Variants in LOC128706666 observed in about 807,000 individuals in gnomAD.
the LOC128706666 span, among the ~76,000 whole-genome samples, chr20:10,414,267 T>C: frequency 6.8e-6 from 1 of 146,672 alleles, no homozygotes; most frequent in African/African-American, 2.5e-5. Context: ...CTCTGAGTCT[T>C]TTTTTTTTTT....
the LOC128706666 span, among the ~76,000 whole-genome samples, chr20:10,426,645 G>A: frequency 0.14 from 21,792 of 152,130 alleles, 1,755 homozygotes; most frequent in East Asian, 0.24. Flanking sequence ...TGATATGTCC[G>A]CCTCAGCCTC....
At chr20:10,430,734 C>G in the LOC128706666 span, among the ~76,000 whole-genome samples, 1 of 152,080 alleles carries the variant, frequency 6.6e-6, no homozygotes. Flanking sequence ...AAAGTGAGAG[C>G]CAGGAAAGCT....
the LOC128706666 span, among the ~76,000 whole-genome samples, chr20:10,429,234 A>G: frequency 6.6e-6 from 1 of 152,140 alleles, no homozygotes; most frequent in Non-Finnish European, 1.5e-5. Flanking sequence ...TTCCCCTTAC[A>G]TAATCTCCCT....
At chr20:10,419,107 T>G in the LOC128706666 span, among the ~76,000 whole-genome samples, 19 of 152,264 alleles carry the variant, frequency 1.2e-4, no homozygotes, top group Admixed American at 1.2e-3. Flanking sequence ...AGTCAAAATC[T>G]CAGACCAAGG....
At chr20:10,431,515 G>T in the LOC128706666 span, among the ~76,000 whole-genome samples, 1 of 146,066 alleles carries the variant, frequency 6.8e-6, no homozygotes, top group Admixed American at 6.9e-5. Context: ...ACTCAATGCT[G>T]TATAGGGTCA....
the LOC128706666 span, among the ~76,000 whole-genome samples, chr20:10,423,411 G>C: frequency 6.6e-6 from 1 of 151,980 alleles, no homozygotes; most frequent in Non-Finnish European, 1.5e-5. Context: ...GATGAAATGC[G>C]ATCGTTTCAA....
At chr20:10,424,811 G>A in the LOC128706666 span, among the ~76,000 whole-genome samples, 5 of 152,040 alleles carry the variant, frequency 3.3e-5, no homozygotes, top group African/African-American at 1.2e-4. Flanking sequence ...CAGCACTTTG[G>A]GAGGCCGAGG....
At chr20:10,432,789 C>CA in the LOC128706666 span, among the ~76,000 whole-genome samples, 16,105 of 74,274 alleles carry the variant, frequency 0.22, 3,263 homozygotes, top group Non-Finnish European at 0.26. Context: ...GACTCTTTGT[C>CA]AAAAAAAAAA....
At chr20:10,426,699 G>A in the LOC128706666 span, among the ~76,000 whole-genome samples, 2 of 152,206 alleles carry the variant, frequency 1.3e-5, no homozygotes, top group Non-Finnish European at 2.9e-5. Flanking sequence ...ACGCCCCGTG[G>A]CATGTCCTTG....
chr20:10,421,702 G>A, the LOC128706666 span, among the ~76,000 whole-genome samples: 2 of 151,800 alleles, frequency 1.3e-5, no homozygotes, highest in African/African-American at 4.8e-5. Context: ...TAACTTACAG[G>A]GTTATCGACC....
the LOC128706666 span, among the ~76,000 whole-genome samples, chr20:10,423,047 A>T: frequency 6.6e-6 from 1 of 152,088 alleles, no homozygotes; most frequent in Non-Finnish European, 1.5e-5. Context: ...CATTTCTGCC[A>T]TTCACCATTT....
chr20:10,427,012 CAAGAA>C, the LOC128706666 span, among the ~76,000 whole-genome samples: 694 of 111,138 alleles, frequency 6.2e-3, 2 homozygotes, highest in African/African-American at 0.01. Flanking sequence ...GCTTAAAGGC[CAAGAA>C]AAGAAAACAC....
chr20:10,434,146 C>T, the LOC128706666 span: 1 of 146,920 alleles, frequency 6.8e-6, no homozygotes, highest in Non-Finnish European at 1.5e-5. Flanking sequence ...GCCGCCACCG[C>T]CAGAGGCCCC....
At chr20:10,418,609 T>A in the LOC128706666 span, among the ~76,000 whole-genome samples, 6,119 of 152,184 alleles carry the variant, frequency 0.04, 401 homozygotes, top group African/African-American at 0.14. Context: ...TGCACTGGCA[T>A]CTAAAATCTC....
the LOC128706666 span, among the ~76,000 whole-genome samples, chr20:10,415,136 C>T: frequency 6.6e-6 from 1 of 152,178 alleles, no homozygotes; most frequent in Non-Finnish European, 1.5e-5. Flanking sequence ...ATTCCTGACA[C>T]ATTAATAATA....
the LOC128706666 span, among the ~76,000 whole-genome samples, chr20:10,420,368 T>C: frequency 1.3e-5 from 2 of 152,152 alleles, no homozygotes; most frequent in African/African-American, 4.8e-5. Context: ...AACGAACTTT[T>C]CTAGAAACAA....
the LOC128706666 span, among the ~76,000 whole-genome samples, chr20:10,427,081 A>ACACACACACACACACACACACACACAC: frequency 1.2e-5 from 1 of 85,698 alleles, no homozygotes; most frequent in Non-Finnish European, 2.4e-5. Flanking sequence ...CACACACACA[A>ACACACACACACACACACACACACACAC]AGTAAGGTTA....
chr20:10,433,335 G>T, the LOC128706666 span, among the ~76,000 whole-genome samples: 1 of 152,194 alleles, frequency 6.6e-6, no homozygotes, highest in South Asian at 2.1e-4. Flanking sequence ...GCAGTTGGTT[G>T]AATTCACACA....
At chr20:10,430,240 T>C in the LOC128706666 span, among the ~76,000 whole-genome samples, 1 of 152,160 alleles carries the variant, frequency 6.6e-6, no homozygotes, top group African/African-American at 2.4e-5. Context: ...ATGTAGTGAT[T>C]AAGGGATGAG....
Sources: gnomAD v4.1 joint callset for allele counts (sites outside exome capture counted in the v4.1 genomes callset) on GRCh38, gnomAD v4.1.1 for gene constraint, MANE v1.5 for transcripts.